MTR: variants seen among roughly 807,000 people sequenced by gnomAD.
MTR encodes methionine synthase.
MTR carries 84 observed loss-of-function variants against 154.8 expected under a neutral mutation model. That is an observed-to-expected ratio of 0.54 (90% CI 0.45 to 0.65). The LOEUF (loss-of-function observed/expected upper bound fraction) is 0.65, where lower values mean the gene tolerates loss of function less well. Ranked by LOEUF, MTR falls within the 30% of genes least tolerant of loss-of-function variation. The pLI, the probability that MTR is intolerant of heterozygous loss-of-function variation, is 0.00. For synonymous variants in MTR, 554 were observed against 553.9 expected, an observed-to-expected ratio of 1.00 and a Z score of 0.00; for missense variants, 1,275 against 1,570.2, an observed-to-expected ratio of 0.81 and a Z score of 3.18.
At position 236,889,233 on chromosome 1, in the gene MTR, G is replaced by T. The variant is rs747630691; in HGVS notation, c.2904G>T (p.Lys968Asn). The T allele has an allele frequency of 1.9e-6, 3 of 1,614,238 alleles. No individual in the cohort carries two copies. In the South Asian group the frequency reaches 3.3e-5, roughly 18 times the overall value. Residue 968 changes from lysine (K) to asparagine (N), a missense_variant, in exon 28 of 33, where the codon AAG becomes AAT. By Grantham distance (94) the Lys-to-Asn change is moderately conservative. Coordinates refer to ENST00000366577, the MANE Select transcript of MTR (RefSeq NM_000254.3). The part of the protein sequence containing the change: ...TQVFEDYDLQ[K>N]LVDYIDWKPF... ...TCTTTGAAGACTATGACCTGCAGAAGCTGGTGGACTACATTGACTGGAAGC... is the reference window on the plus strand; with the variant it reads ...TCTTTGAAGACTATGACCTGCAGAATCTGGTGGACTACATTGACTGGAAGC...
intron 15 of MTR, among the ~76,000 whole-genome samples, chr1:236,841,670 G>A (rs975042018): frequency 1.4e-5 from 2 of 142,890 alleles, no homozygotes; most frequent in African/African-American, 5.3e-5. Context: ...TTAGTCATTT[G>A]GTAGAGTGCA....
At chr1:236,819,198 T>C (rs1163614944) in intron 8 of MTR, among the ~76,000 whole-genome samples, 3 of 152,218 alleles carry the variant, frequency 2.0e-5, no homozygotes, top group Non-Finnish European at 4.4e-5. Flanking sequence ...GAGTAACATA[T>C]ATCCATTACA....
chr1:236,835,703 T>C lies in MTR; in HGVS notation c.1329+16T>C. ...CATCGCAAAGGTTATACAAAGTTTA[T>C]GTTTATCAGGGGGATTTACTTGTCT... On this transcript the variant is annotated intron_variant, in intron 14 of 32. Transcript: ENST00000366577. 1.9e-6 allele frequency: 3 copies of C among 1,613,622 alleles called. No individual in the cohort carries two copies. The highest frequency in any genetic ancestry group is 2.5e-6 in the Non-Finnish European group (3 of 1,179,954).
At chr1:236,829,515 T>G (rs1267910226) in intron 12 of MTR, among the ~76,000 whole-genome samples, 1 of 152,190 alleles carries the variant, frequency 6.6e-6, no homozygotes, top group African/African-American at 2.4e-5. Flanking sequence ...GAGTCCTTGG[T>G]GGGAGCTCGA....
intron 1 of MTR, chr1:236,800,389 A>G (rs1660638949): frequency 2.0e-6 from 2 of 985,396 alleles, no homozygotes. Flanking sequence ...CTTATGATTC[A>G]GTCACCCACT....
At chr1:236,879,708 C>T (rs533307869) in intron 24 of MTR, among the ~76,000 whole-genome samples, 50 of 152,302 alleles carry the variant, frequency 3.3e-4, no homozygotes, top group Non-Finnish European at 5.7e-4. Flanking sequence ...GTAGCCTATC[C>T]TATTGCTGTA....
chr1:236,865,237 A>C (rs1209880712), intron 22 of MTR, among the ~76,000 whole-genome samples: 2 of 152,222 alleles, frequency 1.3e-5, no homozygotes, highest in Non-Finnish European at 2.9e-5. Flanking sequence ...TAATAAGTCT[A>C]ACTGGAGAAA....
intron 25 of MTR, among the ~76,000 whole-genome samples, chr1:236,883,009 A>AT: frequency 6.6e-6 from 1 of 152,334 alleles, no homozygotes; most frequent in South Asian, 2.1e-4. Flanking sequence ...TTTAGCAGCT[A>AT]TCTCATATAT....
Position 236,810,419 on chromosome 1 carries a change from GA to G in MTR, c.410-77del, listed in dbSNP as rs1661227757. On this transcript the variant is annotated intron_variant, in intron 4 of 32. Transcript: ENST00000366577. ...CAAAAGATTATAGACCTGTGTTCCA[GA>G]AAAAAATCTTATTGGCTATTCATTC... The G allele has an allele frequency of 9.5e-6, 11 of 1,153,346 alleles. No individual in the cohort carries two copies. The East Asian group carries it at 1.7e-4, about 17-fold the overall frequency. The allele number at this position is 1,153,346 out of a possible 1,614,324, so 71.4% of individuals were successfully genotyped here.
chr1:236,801,163 T>C (rs1241596129), intron 1 of MTR, among the ~76,000 whole-genome samples: 1 of 152,208 alleles, frequency 6.6e-6, no homozygotes, highest in Non-Finnish European at 1.5e-5. Context: ...CCCTACCTTT[T>C]CTCCACATTT....
At position 236,803,370 on chromosome 1, in the gene MTR, C is replaced by T. The variant is rs113309064; in HGVS notation, c.35-58C>T. ...ATTATAAATTTCTCTAAAGCTCCTC[C>T]CTCACACATCTTTTTCACCTTTCAT... On this transcript the variant is annotated intron_variant, in intron 1 of 32. Coordinates refer to ENST00000366577, the MANE Select transcript of MTR (RefSeq NM_000254.3). 8.2e-4 allele frequency: 1,232 copies of T among 1,510,298 alleles called. 7 individuals carry two copies. The African/African-American group carries it at 0.015, about 18-fold the overall frequency. 93.6% of individuals were successfully genotyped at this position (1,510,298 alleles called of 1,614,324 possible).
intron 18 of MTR, 43 bp from the exon 19 acceptor site, chr1:236,859,790 A>T: frequency 6.9e-7 from 1 of 1,452,020 alleles, no homozygotes; most frequent in Non-Finnish European, 9.7e-7. Context: ...CAGTTTGGTT[A>T]GTGATGAGTT....
intron 22 of MTR, among the ~76,000 whole-genome samples, chr1:236,873,148 G>C (rs1188499486): frequency 6.6e-6 from 1 of 152,252 alleles, no homozygotes; most frequent in Non-Finnish European, 1.5e-5. Flanking sequence ...GGACTTTGAA[G>C]GCACTGTGCT....
At chr1:236,848,713 T>A (rs1158618503) in intron 15 of MTR, among the ~76,000 whole-genome samples, 3 of 152,150 alleles carry the variant, frequency 2.0e-5, no homozygotes, top group African/African-American at 7.2e-5. Flanking sequence ...CCATTTTGTC[T>A]GCTAAGTCCT....
At chr1:236,818,709 T>C (rs1036526678) in intron 8 of MTR, among the ~76,000 whole-genome samples, 1 of 152,218 alleles carries the variant, frequency 6.6e-6, no homozygotes, top group African/African-American at 2.4e-5. Flanking sequence ...TAGGAAACTT[T>C]TGCTTACTGA....
Position 236,835,707 on chromosome 1 carries a change from T to A in MTR, c.1329+20T>A. ...GCAAAGGTTATACAAAGTTTATGTT[T>A]ATCAGGGGGATTTACTTGTCTCACT... On this transcript the variant is annotated intron_variant, in intron 14 of 32. Coordinates refer to ENST00000366577, the MANE Select transcript of MTR (RefSeq NM_000254.3). 1 of 1,613,576 alleles carries A rather than the reference T, an allele frequency of 6.2e-7. No individual in the cohort carries two copies.
intron 8 of MTR, 134 bp downstream of exon 8, chr1:236,816,677 A>G (rs1661612430): frequency 1.3e-6 from 1 of 791,078 alleles, no homozygotes; most frequent in Non-Finnish European, 2.2e-6. Flanking sequence ...ACTTTCCTTT[A>G]AGTACTTTCA....
At chr1:236,858,305 A>T (rs1272894876) in intron 18 of MTR, among the ~76,000 whole-genome samples, 4 of 152,150 alleles carry the variant, frequency 2.6e-5, no homozygotes, top group Non-Finnish European at 5.9e-5. Context: ...CCTTTATAAA[A>T]CCATTAGATC....
chr1:236,840,978 T>C (rs1253657082), intron 15 of MTR, among the ~76,000 whole-genome samples: 1 of 152,226 alleles, frequency 6.6e-6, no homozygotes, highest in African/African-American at 2.4e-5. Flanking sequence ...ACTACAAGTT[T>C]AGTGTGGTGT....
Sources: allele counts gnomAD v4.1 joint callset (sites outside exome capture counted in the v4.1 genomes callset), GRCh38; gene constraint gnomAD v4.1.1; transcripts MANE v1.5; gene names NCBI Gene and HGNC (gene_info 2026-07-23, HGNC 2026-07-21).